Variants in PRKN observed in about 807,000 individuals in gnomAD.
The protein encoded by PRKN is parkin RBR E3 ubiquitin protein ligase, also known as E3 ubiquitin-protein ligase parkin.
A neutral mutation model predicts 59.5 loss-of-function variants in PRKN; 56 were observed. The ratio of observed to expected loss-of-function variants is 0.94; its 90% confidence interval spans 0.76 to 1.18. PRKN has a LOEUF of 1.18. Ranked by LOEUF, PRKN falls within the 50% of genes most tolerant of loss-of-function variation. PRKN has a pLI of 0.00. For missense variants in PRKN, 657 were observed against 596.4 expected (o/e 1.10, Z -1.06); for synonymous variants, 250 against 222.1 (o/e 1.13, Z -1.12).
At chr6:162,467,964 GTA>G (rs1791512327) in intron 1 of PRKN, among the ~76,000 whole-genome samples, 1 of 152,190 alleles carries the variant, frequency 6.6e-6, no homozygotes, top group African/African-American at 2.4e-5. Context: ...CCTCTAGAGA[GTA>G]TCTCAAATGC....
intron 7 of PRKN, among the ~76,000 whole-genome samples, chr6:161,674,362 AT>A (rs2128170073): frequency 6.6e-6 from 1 of 152,232 alleles, no homozygotes; most frequent in East Asian, 1.9e-4. Flanking sequence ...TAAATTTTAA[AT>A]TACCACACTC....
intron 1 of PRKN, among the ~76,000 whole-genome samples, chr6:162,616,923 A>G (rs1782445700): frequency 6.6e-6 from 1 of 152,190 alleles, no homozygotes; most frequent in Non-Finnish European, 1.5e-5. Flanking sequence ...ACAGGAATAA[A>G]TATTACATGT....
chr6:162,157,626 G>A (rs1296133451), intron 4 of PRKN, among the ~76,000 whole-genome samples: 1 of 151,018 alleles, frequency 6.6e-6, no homozygotes, highest in East Asian at 1.9e-4. Context: ...CATCTTAAAT[G>A]GCCTCAATTA....
chr6:161,984,111 C>T (rs1358555058), intron 5 of PRKN, among the ~76,000 whole-genome samples: 1 of 152,044 alleles, frequency 6.6e-6, no homozygotes, highest in Non-Finnish European at 1.5e-5. Context: ...CAGGCTCATA[C>T]ATGTGACCAC....
intron 1 of PRKN, among the ~76,000 whole-genome samples, chr6:162,620,941 G>A (rs189932519): frequency 6.6e-6 from 1 of 152,118 alleles, no homozygotes. Flanking sequence ...TTTCTCTCAG[G>A]TCTTTGAAGA....
intron 1 of PRKN, among the ~76,000 whole-genome samples, chr6:162,453,728 C>A (rs1028847018): frequency 1.3e-5 from 2 of 152,070 alleles, no homozygotes; most frequent in Admixed American, 1.3e-4. Flanking sequence ...CATGGTGAAA[C>A]CCCATCTCTA....
At chr6:162,229,673 G>A (rs894627757) in intron 3 of PRKN, among the ~76,000 whole-genome samples, 3 of 151,924 alleles carry the variant, frequency 2.0e-5, no homozygotes, top group Non-Finnish European at 2.9e-5. Context: ...ATCTGCCCTC[G>A]GCCTTGGCAC....
At chr6:162,293,539 C>T (rs77743401) in intron 2 of PRKN, among the ~76,000 whole-genome samples, 7,099 of 152,214 alleles carry the variant, frequency 0.047, 265 homozygotes, top group African/African-American at 0.099. Context: ...GATCACCGCC[C>T]TGGAGAGGGC....
At position 161,413,299 on chromosome 6, in the gene PRKN, G is replaced by A. The variant is rs1787674810; in HGVS notation, c.1084-26422C>T. On this transcript the variant is annotated intron_variant, in intron 9 of 11. Coordinates refer to ENST00000366898, the MANE Select transcript of PRKN (RefSeq NM_004562.3). The surrounding 1 kb of genome is among the most constrained non-coding windows in gnomAD (Gnocchi z 4.4). Reference sequence around the variant, plus strand: ...TGACATTCCTGTTCCTTGTTCCACTGCCAGGGTCCTGTCCTCCCTCCGCTT... The same window carrying A: ...TGACATTCCTGTTCCTTGTTCCACTACCAGGGTCCTGTCCTCCCTCCGCTT... Among the ~76,000 whole-genome samples the A allele has an allele frequency of 6.6e-6, 1 of 152,062 alleles. No individual in the cohort carries two copies. The highest frequency in any genetic ancestry group is 1.5e-5 in the Non-Finnish European group (1 of 68,016).
chr6:161,575,182 A>C lies in PRKN; in HGVS notation c.872-5766T>G, dbSNP rs1332114830. Among the ~76,000 whole-genome samples, 1 of 152,228 alleles carries C rather than the reference A, an allele frequency of 6.6e-6. No individual in the cohort carries two copies. The highest frequency in any genetic ancestry group is 1.5e-5 in the Non-Finnish European group (1 of 68,036). On this transcript the variant is annotated intron_variant, in intron 7 of 11. Coordinates refer to ENST00000366898, the MANE Select transcript of PRKN (RefSeq NM_004562.3). The surrounding 1 kb of genome is among the most constrained non-coding windows in gnomAD (Gnocchi z 4.6). ...AAAATGAATAAGACAATTTGTTAAA[A>C]AGCATATAAACACAGGATTGAATCT...
chr6:162,284,215 C>CTTTTTTTTTTTT lies in PRKN; in HGVS notation c.172-21462_172-21451dup, dbSNP rs35609309. On this transcript the variant is annotated intron_variant, in intron 2 of 11. Transcript: ENST00000366898. The stretch of plus-strand genomic sequence containing the variant: ...TATTTATGTATTGTGTTATTTCTTT[C>CTTTTTTTTTTTT]TTTTTTTTTTTTTTTTTTTTTTTTT... 2.5e-4 allele frequency among the ~76,000 whole-genome samples: 19 copies of CTTTTTTTTTTTT among 75,668 alleles called. 2 individuals are homozygous for CTTTTTTTTTTTT. Among genetic ancestry groups the CTTTTTTTTTTTT allele is most frequent in the Admixed American group, 9.7e-4 (5 of 5,164 alleles). The allele number at this position is 75,668 out of a possible 152,430, so 49.6% of individuals were successfully genotyped here. A position where few individuals can be genotyped will look rare whatever the true frequency, so the allele number is the denominator to read the frequency against.
In PRKN at chr6:161,483,977, G is replaced by A. The variant is rs1791533871; in HGVS notation, c.1083+64877C>T. Among the ~76,000 whole-genome samples the A allele has an allele frequency of 6.6e-6, 1 of 152,116 alleles. No homozygotes were observed. Among genetic ancestry groups the A allele is most frequent in the African/African-American group, 2.4e-5 (1 of 41,418 alleles). On this transcript the variant is annotated intron_variant, in intron 9 of 11. Coordinates refer to ENST00000366898, the MANE Select transcript of PRKN (RefSeq NM_004562.3). The surrounding 1 kb of genome is among the most constrained non-coding windows in gnomAD (Gnocchi z 5.0). ...CACTTATAAGTGGGAGCTGAATGAT[G>A]AGCACACATGGACACATGGGGGAAC...
chr6:161,899,432 A>T (rs1293836914), intron 6 of PRKN, among the ~76,000 whole-genome samples: 1 of 152,218 alleles, frequency 6.6e-6, no homozygotes, highest in Non-Finnish European at 1.5e-5. Flanking sequence ...AATAATATGT[A>T]GGTAATATTT....
intron 1 of PRKN, among the ~76,000 whole-genome samples, chr6:162,605,092 T>C (rs1209001806): frequency 6.6e-6 from 1 of 152,186 alleles, no homozygotes; most frequent in Non-Finnish European, 1.5e-5. Flanking sequence ...CTTTTCATTA[T>C]CCTTTTATAG....
intron 1 of PRKN, chr6:162,569,623 C>T: frequency 2.8e-6 from 2 of 706,260 alleles, no homozygotes; most frequent in African/African-American, 1.7e-5. Context: ...ACATGGGCTC[C>T]AGCTCCTTCA....
At chr6:162,246,601 A>G (rs973852036) in intron 3 of PRKN, among the ~76,000 whole-genome samples, 1 of 152,172 alleles carries the variant, frequency 6.6e-6, no homozygotes, top group African/African-American at 2.4e-5. Context: ...ATCTTTGGAC[A>G]ATGGAACAGT....
At chr6:161,477,510 C>A (rs1267183474) in intron 9 of PRKN, among the ~76,000 whole-genome samples, 95 of 124,264 alleles carry the variant, frequency 7.6e-4, no homozygotes, top group South Asian at 1.4e-3. Flanking sequence ...AACTCCATCT[C>A]AAAAAAAAAA....
intron 9 of PRKN, among the ~76,000 whole-genome samples, chr6:161,505,491 T>C (rs1164926220): frequency 6.6e-6 from 1 of 151,982 alleles, no homozygotes; most frequent in African/African-American, 2.4e-5. Flanking sequence ...TTCACTCTGA[T>C]GGTAGTTTCT....
intron 6 of PRKN, among the ~76,000 whole-genome samples, chr6:161,861,616 CAAAAA>C (rs5881441): frequency 3.3e-4 from 47 of 141,728 alleles, no homozygotes; most frequent in East Asian, 3.3e-3. Flanking sequence ...TATAAACATT[CAAAAA>C]AAAAAAAAAA....
Sources: gnomAD v4.1 joint callset for allele counts (sites outside exome capture counted in the v4.1 genomes callset) on GRCh38, gnomAD v4.1.1 for gene constraint, Gnocchi (gnomAD v3.1) non-coding constraint, MANE v1.5 for transcripts, NCBI Gene and HGNC (gene_info 2026-07-23, HGNC 2026-07-21) for gene names.